The following CSGALNACT1 variants were observed in gnomAD, a reference collection of about 807,000 sequenced individuals.
CSGALNACT1 encodes beta4GalNAcT-1.
Under a neutral mutation model 51.0 loss-of-function variants are expected in CSGALNACT1, and 52 were observed. The observed-to-expected ratio is 1.02, with a 90% CI of 0.82 to 1.29. The LOEUF (loss-of-function observed/expected upper bound fraction) is 1.29. Among genes scored for constraint, CSGALNACT1 ranks in the 50% most tolerant of loss-of-function variants. The pLI is 0.00. For synonymous variants in CSGALNACT1, 341 were observed against 254.4 expected, an observed-to-expected ratio of 1.34 and a Z score of -3.24; for missense variants, 935 against 679.2, an observed-to-expected ratio of 1.38 and a Z score of -4.19.
At chr8:19,614,488 C>A (rs538024379) in intron 1 of CSGALNACT1, among the ~76,000 whole-genome samples, 2 of 152,276 alleles carry the variant, frequency 1.3e-5, no homozygotes, top group East Asian at 3.9e-4. Flanking sequence ...TATCAATACA[C>A]AGATGAGTAA....
At chr8:19,413,222 A>C (rs751836700) in intron 8 of CSGALNACT1, among the ~76,000 whole-genome samples, 4 of 152,110 alleles carry the variant, frequency 2.6e-5, no homozygotes, top group Non-Finnish European at 5.9e-5. Flanking sequence ...CATTTCCAGG[A>C]ACCTATCATC....
chr8:19,547,987 T>C (rs2086894316), intron 3 of CSGALNACT1, among the ~76,000 whole-genome samples: 1 of 152,196 alleles, frequency 6.6e-6, no homozygotes, highest in South Asian at 2.1e-4. Flanking sequence ...ATTCCCGGCA[T>C]TGTATTAAGT....
At chr8:19,455,879 T>G (rs773332404) in intron 5 of CSGALNACT1, among the ~76,000 whole-genome samples, 7 of 152,222 alleles carry the variant, frequency 4.6e-5, no homozygotes, top group African/African-American at 1.7e-4. Context: ...TCTGATCCCC[T>G]GCACCTTGGT....
chr8:19,707,712 G>C (rs1180974315), intron 1 of CSGALNACT1, among the ~76,000 whole-genome samples: 3 of 151,940 alleles, frequency 2.0e-5, no homozygotes, highest in African/African-American at 2.4e-5. Context: ...AACTATATTA[G>C]CTATAAGGCC....
At chr8:19,593,924 C>T (rs1325069983) in intron 2 of CSGALNACT1, among the ~76,000 whole-genome samples, 6 of 152,178 alleles carry the variant, frequency 3.9e-5, no homozygotes, top group Non-Finnish European at 8.8e-5. Flanking sequence ...CCTGTCTCTC[C>T]CTCTAGGCTG....
At chr8:19,630,616 CCT>C (rs1554772161) in intron 1 of CSGALNACT1, among the ~76,000 whole-genome samples, 6 of 152,176 alleles carry the variant, frequency 3.9e-5, no homozygotes, top group East Asian at 1.9e-4. Flanking sequence ...CTAAACATCC[CCT>C]GTTCTTCAAC....
intron 4 of CSGALNACT1, among the ~76,000 whole-genome samples, chr8:19,478,089 A>C (rs1273392136): frequency 1.3e-5 from 2 of 152,138 alleles, no homozygotes; most frequent in East Asian, 3.9e-4. Context: ...AACTGTGGTT[A>C]CACAGTGGAA....
At chr8:19,625,687 A>G (rs192944730) in intron 1 of CSGALNACT1, among the ~76,000 whole-genome samples, 120 of 152,322 alleles carry the variant, frequency 7.9e-4, no homozygotes, top group African/African-American at 2.7e-3. Context: ...AATTCTAAAC[A>G]ATCTCTTTAA....
chr8:19,463,562 G>A (rs2066015112), intron 4 of CSGALNACT1, among the ~76,000 whole-genome samples: 1 of 152,194 alleles, frequency 6.6e-6, no homozygotes, highest in Admixed American at 6.5e-5. Context: ...TGGTTTTTCA[G>A]CCAGTAAGCT....
At chr8:19,520,016 G>A (rs2080332653) in intron 3 of CSGALNACT1, among the ~76,000 whole-genome samples, 1 of 152,256 alleles carries the variant, frequency 6.6e-6, no homozygotes, top group Non-Finnish European at 1.5e-5. Flanking sequence ...TCATGGAGGT[G>A]TTTTGCTGGC....
chr8:19,568,789 C>G (rs2042405729), intron 3 of CSGALNACT1, among the ~76,000 whole-genome samples: 1 of 152,144 alleles, frequency 6.6e-6, no homozygotes. Context: ...AATTTTTAGC[C>G]ATTTCCATAG....
At chr8:19,533,982 C>T (rs1791513042) in intron 3 of CSGALNACT1, among the ~76,000 whole-genome samples, 1 of 152,060 alleles carries the variant, frequency 6.6e-6, no homozygotes, top group African/African-American at 2.4e-5. Flanking sequence ...TACCTTCCCC[C>T]CATGCCAAAT....
Position 19,681,175 on chromosome 8 carries a change from T to C in CSGALNACT1, c.-544+1298A>G, listed in dbSNP as rs2060589078. On this transcript the variant is annotated intron_variant, in intron 1 of 9. Coordinates refer to the CSGALNACT1 transcript ENST00000332246. ...CTCATTGGGATACTAGGAAAGCATC[T>C]CCCACCTCCCTGCAGAGCCCCCACT... is the stretch of plus-strand genomic sequence containing the variant. 2.6e-5 allele frequency among the ~76,000 whole-genome samples: 4 copies of C among 151,918 alleles called. No individual in the cohort carries two copies. The South Asian group carries it at 8.3e-4, about 32-fold the overall frequency.
intron 1 of CSGALNACT1, among the ~76,000 whole-genome samples, chr8:19,750,666 T>C (rs1234033708): frequency 6.6e-6 from 1 of 152,176 alleles, no homozygotes; most frequent in Non-Finnish European, 1.5e-5. Flanking sequence ...AGAGCTGGGA[T>C]TCAAACCCCA....
chr8:19,635,061 A>C (rs146114918), intron 1 of CSGALNACT1, among the ~76,000 whole-genome samples: 6 of 152,354 alleles, frequency 3.9e-5, no homozygotes, highest in African/African-American at 1.4e-4. Context: ...AAATTTCTAA[A>C]TGATTGTGTA....
chr8:19,430,151 T>C (rs2153723512), intron 6 of CSGALNACT1, among the ~76,000 whole-genome samples: 1 of 152,246 alleles, frequency 6.6e-6, no homozygotes, highest in Non-Finnish European at 1.5e-5. Context: ...TATCCCATTA[T>C]ATAAGCTGTC....
chr8:19,566,357 G>A (rs1335543700), intron 3 of CSGALNACT1, among the ~76,000 whole-genome samples: 2 of 152,076 alleles, frequency 1.3e-5, no homozygotes, highest in African/African-American at 4.8e-5. Flanking sequence ...GAGGAAGCGT[G>A]GCCCTGCTGA....
intron 3 of CSGALNACT1, among the ~76,000 whole-genome samples, chr8:19,552,084 T>G (rs903882483): frequency 1.3e-5 from 2 of 152,090 alleles, no homozygotes; most frequent in Non-Finnish European, 2.9e-5. Context: ...AGATTTCAGA[T>G]GGGATAAAAA....
chr8:19,594,289 G>A (rs1326177926), intron 2 of CSGALNACT1, among the ~76,000 whole-genome samples: 1 of 152,212 alleles, frequency 6.6e-6, no homozygotes, highest in East Asian at 1.9e-4. Context: ...TAGAAATAAG[G>A]CAAGGGAAGT....
Sources: gnomAD v4.1 joint callset for allele counts (sites outside exome capture counted in the v4.1 genomes callset) on GRCh38, gnomAD v4.1.1 for gene constraint, MANE v1.5 for transcripts, NCBI Gene and HGNC (gene_info 2026-07-23, HGNC 2026-07-21) for gene names.